Variants in RAB30 observed in about 807,000 individuals in gnomAD.
The protein encoded by RAB30 is ras-related protein Rab-30.
Under a neutral mutation model 25.1 loss-of-function variants are expected in RAB30, and 9 were observed. That is an observed-to-expected ratio of 0.36 (90% confidence interval 0.22 to 0.63). The LOEUF (loss-of-function observed/expected upper bound fraction) is 0.63, where lower values mean the gene tolerates loss of function less well. Among genes scored for constraint, RAB30 ranks in the 20% least tolerant of loss-of-function variants. The probability of loss-of-function intolerance (pLI) is 0.69; values close to 1 mark genes in which losing one functional copy is unlikely to be tolerated. For synonymous variants in RAB30, 77 were observed against 86.4 expected, an observed-to-expected ratio of 0.89 and a Z score of 0.60; for missense variants, 140 against 243.5, an observed-to-expected ratio of 0.58 and a Z score of 2.83.
chr11:83,002,700 T>TGAGGCAA (rs61644809), intron 1 of RAB30, among the ~76,000 whole-genome samples: 1 of 151,176 alleles, frequency 6.6e-6, no homozygotes, highest in African/African-American at 2.4e-5. Flanking sequence ...TTTGGGAGGC[T>TGAGGCAA]GAGGATCATT....
At chr11:83,035,107 T>C (rs1384166865) in intron 1 of RAB30, among the ~76,000 whole-genome samples, 6 of 151,228 alleles carry the variant, frequency 4.0e-5, no homozygotes, top group Non-Finnish European at 8.8e-5. Context: ...ATTACCTCCA[T>C]TTAATAATGA....
chr11:83,015,638 C>T lies in RAB30; in HGVS notation c.-8-18314G>A, dbSNP rs1475075945. Among the ~76,000 whole-genome samples the T allele has an allele frequency of 5.3e-5, 8 of 152,088 alleles. No homozygotes were observed. The East Asian group carries it at 1.3e-3, about 26-fold the overall frequency. On this transcript the variant is annotated intron_variant, in intron 1 of 4. Coordinates refer to ENST00000527633, the MANE Select transcript of RAB30 (RefSeq NM_001286060.2). ...CTAGCAAATGGATGTTATTTAAAGC[C>T]ATTGAATTATCAGAGGATATCTATG...
At chr11:83,063,257 C>T (rs1475342078) in intron 1 of RAB30, among the ~76,000 whole-genome samples, 7 of 152,160 alleles carry the variant, frequency 4.6e-5, no homozygotes, top group Non-Finnish European at 7.3e-5. Flanking sequence ...AATGAACACT[C>T]GGGCCTTTTA....
intron 1 of RAB30, among the ~76,000 whole-genome samples, chr11:83,051,893 T>C (rs1297340832): frequency 1.3e-5 from 2 of 152,324 alleles, no homozygotes; most frequent in African/African-American, 4.8e-5. Flanking sequence ...GCTCTAAGAA[T>C]TCAAATAATT....
Position 82,978,879 on chromosome 11 carries a change from A to T in RAB30, c.*3286T>A, listed in dbSNP as rs1856592372. ...ACCTTCCTTATAAACTCTAAATCAG[A>T]ACTTGACACATTGTCAAATCAACCC... On this transcript the variant is annotated 3_prime_UTR_variant, in exon 5 of 5. Transcript: ENST00000527633. The T allele has an allele frequency of 1.3e-5, 2 of 152,214 alleles. No homozygotes were observed. The highest frequency in any genetic ancestry group is 3.8e-4 in the East Asian group (2 of 5,204). 9.4% of individuals were successfully genotyped at this position (152,214 alleles called of 1,614,324 possible).
intron 1 of RAB30, among the ~76,000 whole-genome samples, chr11:83,008,558 T>C (rs1424558118): frequency 2.0e-5 from 3 of 152,218 alleles, no homozygotes; most frequent in African/African-American, 7.2e-5. Flanking sequence ...TGTTTTTACA[T>C]CTATAGAGCA....
chr11:83,044,238 A>T (rs1163518573), intron 1 of RAB30, among the ~76,000 whole-genome samples: 1 of 152,250 alleles, frequency 6.6e-6, no homozygotes, highest in African/African-American at 2.4e-5. Context: ...GAAAATCCCT[A>T]AAGAATCTTA....
At chr11:83,030,333 CAA>C (rs35936173) in intron 1 of RAB30, among the ~76,000 whole-genome samples, 6 of 126,718 alleles carry the variant, frequency 4.7e-5, no homozygotes, top group Non-Finnish European at 8.6e-5. Context: ...CGCATCTCTT[CAA>C]AAAAAAAAAA....
At chr11:83,015,465 T>C (rs1235552705) in intron 1 of RAB30, among the ~76,000 whole-genome samples, 5 of 152,108 alleles carry the variant, frequency 3.3e-5, no homozygotes, top group Non-Finnish European at 5.9e-5. Context: ...GTTGGGAAGA[T>C]TGGGAAAACT....
At chr11:82,986,573 C>A (rs76604230) in intron 4 of RAB30, among the ~76,000 whole-genome samples, 2,492 of 152,300 alleles carry the variant, frequency 0.016, 83 homozygotes, top group African/African-American at 0.058. Context: ...GGAGCACTAG[C>A]TCATAGAAAC....
intron 3 of RAB30, among the ~76,000 whole-genome samples, chr11:82,992,659 C>T (rs1322913061): frequency 6.6e-6 from 1 of 151,744 alleles, no homozygotes; most frequent in African/African-American, 2.4e-5. Context: ...CTGCTGATAG[C>T]TGGGCTATCC....
intron 1 of RAB30, among the ~76,000 whole-genome samples, chr11:83,000,747 A>G (rs538583132): frequency 3.9e-5 from 6 of 152,304 alleles, no homozygotes; most frequent in African/African-American, 1.4e-4. Flanking sequence ...CCTTTAGAAA[A>G]AGAAGGTGAA....
At chr11:83,027,822 C>T (rs536235825) in intron 1 of RAB30, among the ~76,000 whole-genome samples, 7 of 152,320 alleles carry the variant, frequency 4.6e-5, no homozygotes, top group African/African-American at 1.7e-4. Flanking sequence ...CACTCCCCAG[C>T]CGCAAGTAAC....
chr11:83,008,902 G>C (rs1857243934), intron 1 of RAB30, among the ~76,000 whole-genome samples: 1 of 152,084 alleles, frequency 6.6e-6, no homozygotes, highest in African/African-American at 2.4e-5. Flanking sequence ...CCTTGAGGAT[G>C]CAGTTCAACT....
intron 1 of RAB30, among the ~76,000 whole-genome samples, chr11:83,026,399 C>T (rs1027071834): frequency 6.6e-6 from 1 of 152,174 alleles, no homozygotes; most frequent in African/African-American, 2.4e-5. Context: ...TTAGCACCAT[C>T]CCCTTGGTGA....
At chr11:83,007,904 G>A (rs1366768010) in intron 1 of RAB30, among the ~76,000 whole-genome samples, 4 of 152,218 alleles carry the variant, frequency 2.6e-5, no homozygotes, top group Non-Finnish European at 4.4e-5. Context: ...GGCACTTGCA[G>A]ACCCAACTTG....
chr11:83,058,780 T>C (rs1858505847), intron 1 of RAB30, among the ~76,000 whole-genome samples: 1 of 152,224 alleles, frequency 6.6e-6, no homozygotes. Context: ...CATCCCCTAT[T>C]ATAGATGAAG....
chr11:83,043,517 A>G (rs1219420779), intron 1 of RAB30, among the ~76,000 whole-genome samples: 1 of 152,248 alleles, frequency 6.6e-6, no homozygotes, highest in Non-Finnish European at 1.5e-5. Context: ...ATTAGATGAC[A>G]TAATGGAATC....
chr11:83,066,418 T>C (rs1019133966), intron 1 of RAB30, among the ~76,000 whole-genome samples: 1 of 147,094 alleles, frequency 6.8e-6, no homozygotes, highest in East Asian at 2.0e-4. Flanking sequence ...GGGAACTCTG[T>C]GCAATTAGAA....
Sources: gnomAD v4.1 joint callset for allele counts (sites outside exome capture counted in the v4.1 genomes callset) on GRCh38, gnomAD v4.1.1 for gene constraint, MANE v1.5 for transcripts, NCBI Gene and HGNC (gene_info 2026-07-23, HGNC 2026-07-21) for gene names.